NR3C1: variants seen among roughly 807,000 people sequenced by gnomAD.
NR3C1 encodes nuclear receptor subfamily 3 group C member 1.
NR3C1 carries 14 observed loss-of-function variants against 74.0 expected under a neutral mutation model. The observed-to-expected ratio is 0.19, with a 90% confidence interval of 0.12 to 0.30. The LOEUF (loss-of-function observed/expected upper bound fraction) is 0.30. NR3C1 is among the 10% of genes least tolerant of loss of function. NR3C1 has a pLI of 1.00. For synonymous variants in NR3C1, 308 were observed against 332.5 expected, an observed-to-expected ratio of 0.93 and a Z score of 0.80; for missense variants, 695 against 909.8, an observed-to-expected ratio of 0.76 and a Z score of 3.04.
intron 2 of NR3C1, among the ~76,000 whole-genome samples, chr5:143,340,347 G>A (rs1827945741): frequency 6.8e-6 from 1 of 147,218 alleles, no homozygotes; most frequent in African/African-American, 2.5e-5. Flanking sequence ...AATCCCAGCA[G>A]GCTTTTTTTG....
At chr5:143,412,267 G>T (rs1237200497) in intron 1 of NR3C1, among the ~76,000 whole-genome samples, 1 of 145,240 alleles carries the variant, frequency 6.9e-6, no homozygotes, top group Admixed American at 6.9e-5. Context: ...AAAGTGCAGG[G>T]GGGGAGGGGG....
At chr5:143,334,851 CA>C (rs1258649500) in intron 2 of NR3C1, among the ~76,000 whole-genome samples, 2 of 152,056 alleles carry the variant, frequency 1.3e-5, no homozygotes, top group African/African-American at 4.8e-5. Flanking sequence ...CCCTGCCTCC[CA>C]AAAGGGAGCA....
chr5:143,397,414 G>C (rs1485291316), intron 2 of NR3C1, among the ~76,000 whole-genome samples: 1 of 151,802 alleles, frequency 6.6e-6, no homozygotes, highest in Non-Finnish European at 1.5e-5. Flanking sequence ...ATAGAGAAGA[G>C]AAAGCAACTA....
intron 2 of NR3C1, among the ~76,000 whole-genome samples, chr5:143,356,021 A>C (rs1831065746): frequency 6.6e-6 from 1 of 152,230 alleles, no homozygotes; most frequent in Non-Finnish European, 1.5e-5. Context: ...TTTTCAAGAT[A>C]GATCAACAGA....
intron 2 of NR3C1, among the ~76,000 whole-genome samples, chr5:143,336,491 A>C (rs1827144798): frequency 6.6e-6 from 1 of 152,132 alleles, no homozygotes; most frequent in African/African-American, 2.4e-5. Flanking sequence ...GAAGCAACCT[A>C]ATTATTATGA....
intron 2 of NR3C1, among the ~76,000 whole-genome samples, chr5:143,391,214 T>C (rs1415608934): frequency 6.6e-6 from 1 of 152,222 alleles, no homozygotes; most frequent in Non-Finnish European, 1.5e-5. Context: ...CAATTTAAAC[T>C]GCCGTTTAAT....
chr5:143,317,755 A>G (rs1055007608), intron 2 of NR3C1, among the ~76,000 whole-genome samples: 2 of 152,184 alleles, frequency 1.3e-5, no homozygotes, highest in African/African-American at 4.8e-5. Flanking sequence ...AAGCATGTAA[A>G]ATGTGCAGGT....
At chr5:143,288,801 A>G (rs764918561) in intron 7 of NR3C1, among the ~76,000 whole-genome samples, 1 of 152,102 alleles carries the variant, frequency 6.6e-6, no homozygotes, top group African/African-American at 2.4e-5. Context: ...GAGATTGTCA[A>G]GCTAATTAAA....
intron 7 of NR3C1, among the ~76,000 whole-genome samples, chr5:143,291,350 T>A (rs1420960998): frequency 1.4e-4 from 21 of 151,916 alleles, no homozygotes; most frequent in Admixed American, 1.4e-3. Context: ...CTCAGCCTCC[T>A]GAGTAGCTGG....
chr5:143,427,225 AT>A (rs567090753), intron 1 of NR3C1, among the ~76,000 whole-genome samples: 20 of 151,232 alleles, frequency 1.3e-4, no homozygotes, highest in South Asian at 4.2e-4. Flanking sequence ...ATAGCTTAGT[AT>A]TTTTTTTTCA....
intron 6 of NR3C1, among the ~76,000 whole-genome samples, chr5:143,297,759 G>A (rs2151544368): frequency 6.6e-6 from 1 of 152,302 alleles, no homozygotes; most frequent in African/African-American, 2.4e-5. Flanking sequence ...GAAAGTGAGA[G>A]TAACTAGGAT....
chr5:143,330,797 T>C (rs1825791456), intron 2 of NR3C1, among the ~76,000 whole-genome samples: 1 of 152,100 alleles, frequency 6.6e-6, no homozygotes, highest in Admixed American at 6.6e-5. Flanking sequence ...TGAAAAAACT[T>C]CACAAGTAAA....
intron 1 of NR3C1, among the ~76,000 whole-genome samples, chr5:143,429,707 T>A (rs12655166): frequency 6.6e-6 from 1 of 152,054 alleles, no homozygotes. Context: ...ACAATAAAAG[T>A]TGGAAATGAC....
At chr5:143,381,058 C>T (rs72801085) in intron 2 of NR3C1, among the ~76,000 whole-genome samples, 1 of 151,958 alleles carries the variant, frequency 6.6e-6, no homozygotes. Flanking sequence ...AAAGACTCCA[C>T]CAAAAAAATA....
At position 143,291,890 on chromosome 5, in the gene NR3C1, A is replaced by G. The variant is rs370601910; in HGVS notation, c.2023+3570T>C. Among the ~76,000 whole-genome samples, 13 of 152,302 alleles carry G rather than the reference A, an allele frequency of 8.5e-5. No homozygotes were observed. In the East Asian group the frequency reaches 2.1e-3, roughly 25 times the overall value. ...TTTCCATTGGAGCCTTTAACCTACT[A>G]ATCATAGGTATTGTAAATTCCCTAT... is the stretch of plus-strand genomic sequence containing the variant. On this transcript the variant is annotated intron_variant, in intron 7 of 8. Transcript: ENST00000394464.
upstream of NR3C1, chr5:143,405,189 A>G: frequency 1.0e-6 from 1 of 985,578 alleles, no homozygotes; most frequent in South Asian, 4.7e-5. Flanking sequence ...ACTCTGGGAA[A>G]GGTTGTGCTG....
At chr5:143,403,726 C>T, upstream of NR3C1, 2 of 985,164 alleles carry the variant, frequency 2.0e-6, no homozygotes, top group Middle Eastern at 5.2e-4. Flanking sequence ...CGCTCCCACT[C>T]CACCCCCGGC....
intron 2 of NR3C1, among the ~76,000 whole-genome samples, chr5:143,332,327 T>TC (rs893819111): frequency 2.2e-5 from 3 of 134,214 alleles, no homozygotes; most frequent in African/African-American, 8.4e-5. Flanking sequence ...TTTTTTTTTT[T>TC]AATCCATAAC....
At chr5:143,359,107 C>A (rs922049984) in intron 2 of NR3C1, among the ~76,000 whole-genome samples, 2 of 152,130 alleles carry the variant, frequency 1.3e-5, no homozygotes, top group Non-Finnish European at 2.9e-5. Context: ...TCAGGGTTAT[C>A]ATCAAAGTTT....
Sources: gnomAD v4.1 joint callset for allele counts (sites outside exome capture counted in the v4.1 genomes callset) on GRCh38, gnomAD v4.1.1 for gene constraint, MANE v1.5 for transcripts, NCBI Gene and HGNC (gene_info 2026-07-23, HGNC 2026-07-21) for gene names.